The following CDH8 variants were observed in gnomAD, a reference collection of about 807,000 sequenced individuals.
The protein encoded by CDH8 is cadherin-8.
Under a neutral mutation model 68.1 loss-of-function variants are expected in CDH8, and 17 were observed. That is an observed-to-expected ratio of 0.25 (90% CI 0.17 to 0.37). The LOEUF (loss-of-function observed/expected upper bound fraction) is 0.37, where lower values mean the gene tolerates loss of function less well. Ranked by LOEUF, CDH8 falls within the 10% of genes least tolerant of loss-of-function variation. CDH8 has a pLI of 1.00. For missense variants in CDH8, 763 were observed against 999.3 expected (o/e 0.76, Z 3.19); for synonymous variants, 372 against 365.1 (o/e 1.02, Z -0.21).
At chr16:62,003,778 G>A (rs994471991) in intron 2 of CDH8, among the ~76,000 whole-genome samples, 1 of 152,108 alleles carries the variant, frequency 6.6e-6, no homozygotes, top group East Asian at 1.9e-4. Flanking sequence ...TATTAGACAT[G>A]TCCATCTGTC....
rs1963925842 is a variant in CDH8 at position 61,677,016 on chromosome 16, T to C, written c.1655-21295A>G. On this transcript the variant is annotated intron_variant, in intron 10 of 11. Transcript: ENST00000577390. ...AAAGAGGTTTATTGTAAGTCAACTA[T>C]ACCACAAAAAAAGATGGCTTTTTAT... Among the ~76,000 whole-genome samples, 3 of 152,032 alleles carry C rather than the reference T, an allele frequency of 2.0e-5. No homozygotes were observed. In the South Asian group the frequency reaches 6.2e-4, roughly 31 times the overall value.
At chr16:62,030,384 T>C (rs878865025) in intron 1 of CDH8, among the ~76,000 whole-genome samples, 1 of 152,126 alleles carries the variant, frequency 6.6e-6, no homozygotes, top group Non-Finnish European at 1.5e-5. Flanking sequence ...TGTTTTTTTT[T>C]CATTTTTCTG....
intron 4 of CDH8, among the ~76,000 whole-genome samples, chr16:61,855,335 C>T (rs1170202620): frequency 6.6e-6 from 1 of 152,074 alleles, no homozygotes; most frequent in Non-Finnish European, 1.5e-5. Context: ...TGTCCAAATC[C>T]TCTCACTTAG....
chr16:61,902,585 A>C (rs2143272904), intron 2 of CDH8, among the ~76,000 whole-genome samples: 1 of 151,578 alleles, frequency 6.6e-6, no homozygotes, highest in East Asian at 1.9e-4. Context: ...CCAAAAAAAA[A>C]AAAAAAAAAC....
intron 7 of CDH8, among the ~76,000 whole-genome samples, chr16:61,794,729 T>C (rs1257320402): frequency 6.6e-6 from 1 of 152,090 alleles, no homozygotes; most frequent in East Asian, 1.9e-4. Flanking sequence ...GGAACCGATC[T>C]CTGCATTTCT....
chr16:61,932,670 TAA>T (rs1304938754), intron 2 of CDH8, among the ~76,000 whole-genome samples: 1 of 152,208 alleles, frequency 6.6e-6, no homozygotes, highest in African/African-American at 2.4e-5. Context: ...CCTGTGGATA[TAA>T]GAGTGAATAC....
chr16:61,868,651 G>A (rs9635514), intron 3 of CDH8, among the ~76,000 whole-genome samples: 79,030 of 151,846 alleles, frequency 0.52, 22,219 homozygotes, highest in African/African-American at 0.75. Flanking sequence ...ATTATCACAC[G>A]AGATCAAGTA....
chr16:61,859,730 G>A (rs1166432365), intron 3 of CDH8, among the ~76,000 whole-genome samples: 1 of 152,116 alleles, frequency 6.6e-6, no homozygotes, highest in Non-Finnish European at 1.5e-5. Context: ...ACTGAGTCAG[G>A]GGTTGCTATG....
chr16:61,745,719 A>T (rs1380727095), intron 8 of CDH8, among the ~76,000 whole-genome samples: 1 of 150,972 alleles, frequency 6.6e-6, no homozygotes, highest in Non-Finnish European at 1.5e-5. Context: ...TATAGGCTCC[A>T]TGTCTTTGGG....
chr16:62,001,820 C>G (rs558221488), intron 2 of CDH8, among the ~76,000 whole-genome samples: 2 of 152,104 alleles, frequency 1.3e-5, no homozygotes, highest in Non-Finnish European at 2.9e-5. Flanking sequence ...ATCCCTTCCC[C>G]CTCGCCCTCC....
Position 61,862,530 on chromosome 16 carries a change from C to T in CDH8, c.548-5292G>A, listed in dbSNP as rs555776294. 5.3e-5 allele frequency among the ~76,000 whole-genome samples: 8 copies of T among 152,118 alleles called. No homozygotes were observed. In the South Asian group the frequency reaches 1.7e-3, roughly 31 times the overall value. ...GAAATCCACATCCTTCAGCTTTAGA[C>T]ATCTGAAAATGAAAAGGCAGCACTA... On this transcript the variant is annotated intron_variant, in intron 3 of 11. Transcript: ENST00000577390.
intron 4 of CDH8, among the ~76,000 whole-genome samples, chr16:61,847,538 TTATATATATATA>T (rs56946081): frequency 0.028 from 3,888 of 136,690 alleles, 152 homozygotes; most frequent in African/African-American, 0.088. Flanking sequence ...TCCAATCATT[TTATATATATATA>T]TATATATATA....
chr16:61,669,238 T>A (rs1037152820), intron 10 of CDH8, among the ~76,000 whole-genome samples: 4 of 152,016 alleles, frequency 2.6e-5, no homozygotes, highest in African/African-American at 9.7e-5. Context: ...CAGCTATACC[T>A]CCATCTTAAA....
At chr16:61,876,842 T>A (rs547768781) in intron 3 of CDH8, among the ~76,000 whole-genome samples, 3 of 152,218 alleles carry the variant, frequency 2.0e-5, no homozygotes, top group Admixed American at 6.5e-5. Context: ...AAAGCACATT[T>A]GGTATACGGA....
At chr16:61,776,338 C>A (rs1960898799) in intron 8 of CDH8, among the ~76,000 whole-genome samples, 1 of 152,134 alleles carries the variant, frequency 6.6e-6, no homozygotes, top group Admixed American at 6.6e-5. Context: ...AATTTGACTT[C>A]ATAGCTTATG....
intron 8 of CDH8, among the ~76,000 whole-genome samples, chr16:61,788,773 G>GT (rs1567471228): frequency 7.9e-5 from 12 of 151,658 alleles, no homozygotes. Flanking sequence ...TTCACAAAAT[G>GT]TATGAAAAAA....
At position 61,935,046 on chromosome 16, in the gene CDH8, C is replaced by T. The variant is rs138826411; in HGVS notation, c.253-33573G>A. Among the ~76,000 whole-genome samples, 1,444 of 152,116 alleles carry T rather than the reference C, an allele frequency of 9.5e-3. 22 individuals carry two copies. The highest frequency in any genetic ancestry group is 0.033 in the African/African-American group (1,356 of 41,494). Reference sequence around the variant, plus strand: ...TCATTTTTTGCATCTTTTGCAAAGCCGTGGTGAATGAGGCCTTTATATAAG... The same window carrying T: ...TCATTTTTTGCATCTTTTGCAAAGCTGTGGTGAATGAGGCCTTTATATAAG... On this transcript the variant is annotated intron_variant, in intron 2 of 11. Transcript: ENST00000577390.
chr16:61,873,383 G>A (rs1437774282), intron 3 of CDH8, among the ~76,000 whole-genome samples: 1 of 152,098 alleles, frequency 6.6e-6, no homozygotes, highest in Non-Finnish European at 1.5e-5. Flanking sequence ...TACTTATGAA[G>A]CAGCACACCA....
intron 11 of CDH8, 29 bp from the exon 12 acceptor site, chr16:61,654,130 G>C (rs772564078): frequency 1.9e-6 from 3 of 1,585,922 alleles, no homozygotes; most frequent in Non-Finnish European, 2.6e-6. Context: ...ATAACAGTCA[G>C]CCAAACAAGC....
Sources: gnomAD v4.1 joint callset for allele counts (sites outside exome capture counted in the v4.1 genomes callset) on GRCh38, gnomAD v4.1.1 for gene constraint, MANE v1.5 for transcripts, NCBI Gene and HGNC (gene_info 2026-07-23, HGNC 2026-07-21) for gene names.